KIF26B: variants seen among roughly 807,000 people sequenced by gnomAD.
KIF26B encodes the protein kinesin family member 26B, also known as kinesin-like protein KIF26B.
Under a neutral mutation model 151.2 loss-of-function variants are expected in KIF26B, and 63 were observed. That is an observed-to-expected ratio of 0.42 (90% CI 0.34 to 0.51). The LOEUF is 0.51. Among genes scored for constraint, KIF26B ranks in the 20% least tolerant of loss-of-function variants. The pLI is 0.07. For synonymous variants in KIF26B, 1,357 were observed against 1,262.1 expected, an observed-to-expected ratio of 1.08 and a Z score of -1.59; for missense variants, 2,813 against 2,913.6, an observed-to-expected ratio of 0.97 and a Z score of 0.79.
chr1:245,510,171 G>A (rs942913659), intron 4 of KIF26B, among the ~76,000 whole-genome samples: 5 of 152,188 alleles, frequency 3.3e-5, no homozygotes, highest in Non-Finnish European at 7.3e-5. Flanking sequence ...AGGAAAACAC[G>A]ATCAGAGATG....
In KIF26B at chr1:245,318,722, A is replaced by G. The variant is rs1483379036; in HGVS notation, c.466-48112A>G. ...AAACTTTGCAAACTGTACATAACTC[A>G]ATTCCCCAGGCTGCTGTGTGTCCGT... On this transcript the variant is annotated intron_variant, in intron 2 of 14. Transcript: ENST00000407071. This position sits in a 1 kb window ranked among gnomAD's most constrained non-coding sequence, Gnocchi z 4.0. Among the ~76,000 whole-genome samples the G allele has an allele frequency of 6.6e-6, 1 of 152,074 alleles. No homozygotes were observed. Among genetic ancestry groups the G allele is most frequent in the Non-Finnish European group, 1.5e-5 (1 of 68,008 alleles).
Position 245,244,410 on chromosome 1 carries a change from G to A in KIF26B, c.465+87727G>A, listed in dbSNP as rs1356273341. On this transcript the variant is annotated intron_variant, in intron 2 of 14. Coordinates refer to ENST00000407071, the MANE Select transcript of KIF26B (RefSeq NM_018012.4). The surrounding 1 kb of genome is among the most constrained non-coding windows in gnomAD (Gnocchi z 4.2). Reference sequence around the variant, plus strand: ...TATTGTCATGATATGTAGTGGGTGGGTAAAATCCGTGAAAGGGTGAGTATT... The same window carrying A: ...TATTGTCATGATATGTAGTGGGTGGATAAAATCCGTGAAAGGGTGAGTATT... 1.3e-5 allele frequency among the ~76,000 whole-genome samples: 2 copies of A among 152,134 alleles called. No homozygotes were observed. The highest frequency in any genetic ancestry group is 4.8e-5 in the African/African-American group (2 of 41,436).
At chr1:245,534,251 C>T (rs1661440947) in intron 4 of KIF26B, among the ~76,000 whole-genome samples, 1 of 152,020 alleles carries the variant, frequency 6.6e-6, no homozygotes, top group African/African-American at 2.4e-5. Context: ...CAACCTCTGC[C>T]TCCCAGGTTC....
intron 2 of KIF26B, among the ~76,000 whole-genome samples, chr1:245,349,536 A>G (rs1672521967): frequency 7.3e-6 from 1 of 136,684 alleles, no homozygotes; most frequent in African/African-American, 2.7e-5. Flanking sequence ...ATTAATGTTG[A>G]TTTGTTTAAG....
At chr1:245,280,142 C>T (rs938588147) in intron 2 of KIF26B, among the ~76,000 whole-genome samples, 1 of 151,926 alleles carries the variant, frequency 6.6e-6, no homozygotes, top group African/African-American at 2.4e-5. Context: ...GCAGAAGTAG[C>T]CAGGAGTCGT....
intron 5 of KIF26B, among the ~76,000 whole-genome samples, chr1:245,586,157 C>CTG (rs1558225690): frequency 4.5e-5 from 5 of 112,288 alleles, no homozygotes; most frequent in South Asian, 3.0e-4. Flanking sequence ...CCACCATGAC[C>CTG]AGTGTGTGTG....
At chr1:245,210,682 G>A (rs1669502246) in intron 2 of KIF26B, among the ~76,000 whole-genome samples, 1 of 152,130 alleles carries the variant, frequency 6.6e-6, no homozygotes, top group African/African-American at 2.4e-5. Flanking sequence ...ACCGTAGGAG[G>A]AGAAGCTGGA....
At chr1:245,391,721 A>C (rs1417094738) in intron 3 of KIF26B, among the ~76,000 whole-genome samples, 1 of 152,056 alleles carries the variant, frequency 6.6e-6, no homozygotes, top group African/African-American at 2.4e-5. Context: ...TTTTCTTACT[A>C]ATTTTTTGTT....
chr1:245,243,480 A>G (rs949029448), intron 2 of KIF26B, among the ~76,000 whole-genome samples: 26 of 151,912 alleles, frequency 1.7e-4, no homozygotes, highest in African/African-American at 6.3e-4. Flanking sequence ...ACATATATAT[A>G]TACACACATA....
At chr1:245,236,878 T>G (rs1670119806) in intron 2 of KIF26B, among the ~76,000 whole-genome samples, 1 of 152,170 alleles carries the variant, frequency 6.6e-6, no homozygotes, top group South Asian at 2.1e-4. Flanking sequence ...CAGTGTGTGT[T>G]GCTTGAATAA....
chr1:245,579,022 T>G (rs2043150326), intron 5 of KIF26B, among the ~76,000 whole-genome samples: 1 of 151,642 alleles, frequency 6.6e-6, no homozygotes, highest in Non-Finnish European at 1.5e-5. Flanking sequence ...TCCTCATAAA[T>G]CATTGCTTTA....
chr1:245,273,263 C>T (rs1464955293), intron 2 of KIF26B, among the ~76,000 whole-genome samples: 4 of 151,876 alleles, frequency 2.6e-5, no homozygotes, highest in Non-Finnish European at 5.9e-5. Context: ...AAAAAAAATA[C>T]AAAAATTAGC....
chr1:245,280,812 A>G (rs1671034644), intron 2 of KIF26B, among the ~76,000 whole-genome samples: 1 of 110,986 alleles, frequency 9.0e-6, no homozygotes, highest in Non-Finnish European at 1.8e-5. Context: ...TGTCCATGTG[A>G]TCTCATTGTT....
intron 5 of KIF26B, among the ~76,000 whole-genome samples, chr1:245,541,269 G>A (rs1279660106): frequency 1.3e-5 from 2 of 152,156 alleles, no homozygotes; most frequent in African/African-American, 4.8e-5. Flanking sequence ...GGAGACCGAG[G>A]GAGGCCACAG....
Position 245,698,947 on chromosome 1 carries a change from G to A in KIF26B, c.6088G>A (p.Glu2030Lys), listed in dbSNP as rs200107755. 2.4e-4 allele frequency: 381 copies of A among 1,613,914 alleles called. No homozygotes were observed. The highest frequency in any genetic ancestry group is 1.9e-4 in the Non-Finnish European group (224 of 1,179,900). The change falls in exon 14 of 15, where the codon GAG becomes AAG. Residue 2030 changes from glutamate to lysine, a missense_variant. Physicochemically the swap from Glu to Lys is moderately conservative, Grantham distance 56. This residue lies in a region of KIF26B where 2,060 missense variants were observed against 2,088.6 expected (regional missense o/e 0.99). Transcript: ENST00000407071. This position sits in a 1 kb window ranked among gnomAD's most constrained non-coding sequence, Gnocchi z 4.0. ...GGAACACCGCCAGCAGAGGATCGCCGAGGTCCGCGCGAAGTACGAGTGGCT... is the reference window on the plus strand; with the variant it reads ...GGAACACCGCCAGCAGAGGATCGCCAAGGTCCGCGCGAAGTACGAGTGGCT... ...ILEHRQQRIA[E>K]VRAKYEWLMK...
rs773597554 is a variant in KIF26B, at chr1:245,646,320, C to T, written c.2258+40C>T. The T allele has an allele frequency of 1.2e-5, 19 of 1,603,358 alleles. No homozygotes were observed. The South Asian group carries it at 2.1e-4, about 18-fold the overall frequency. On this transcript the variant is annotated intron_variant, in intron 10 of 14. Transcript: ENST00000407071. ...TACTCAAAGAATGTGGTGGGGTAAG[C>T]ATGGTGTGGGACGCTTTGTTCAGTG...
At chr1:245,178,539 C>T (rs553229294) in intron 2 of KIF26B, among the ~76,000 whole-genome samples, 1 of 152,254 alleles carries the variant, frequency 6.6e-6, no homozygotes, top group South Asian at 2.1e-4. Context: ...CTTTAAGTAC[C>T]TTCATATCAT....
At chr1:245,369,341 A>G (rs1215085242) in intron 3 of KIF26B, among the ~76,000 whole-genome samples, 2 of 152,228 alleles carry the variant, frequency 1.3e-5, no homozygotes, top group African/African-American at 4.8e-5. Flanking sequence ...CGGACAAGAT[A>G]CAGGGAAACG....
At chr1:245,229,200 G>A (rs894296614) in intron 2 of KIF26B, among the ~76,000 whole-genome samples, 1 of 152,054 alleles carries the variant, frequency 6.6e-6, no homozygotes, top group African/African-American at 2.4e-5. Context: ...TTGAACTCCT[G>A]ACCTCATGTG....
Sources: gnomAD v4.1 joint callset for allele counts (sites outside exome capture counted in the v4.1 genomes callset) on GRCh38, gnomAD v4.1.1 for gene constraint, gnomAD v4.1.1 regional missense constraint, Gnocchi (gnomAD v3.1) non-coding constraint, MANE v1.5 for transcripts, NCBI Gene and HGNC (gene_info 2026-07-23, HGNC 2026-07-21) for gene names.